Variants in ZFYVE1 observed in about 807,000 individuals in gnomAD.
The protein encoded by ZFYVE1 is zinc finger FYVE-type containing 1.
A neutral mutation model predicts 74.4 loss-of-function variants in ZFYVE1; 30 were observed. That is an observed-to-expected ratio of 0.40 (90% CI 0.30 to 0.55). The LOEUF (loss-of-function observed/expected upper bound fraction) is 0.55. Ranked by LOEUF, ZFYVE1 falls within the 20% of genes least tolerant of loss-of-function variation. The pLI is 0.42. For synonymous variants in ZFYVE1, 335 were observed against 385.1 expected, an observed-to-expected ratio of 0.87 and a Z score of 1.52; for missense variants, 703 against 1,011.6, an observed-to-expected ratio of 0.69 and a Z score of 4.14.
At chr14:73,009,974 G>A (rs997106482) in intron 2 of ZFYVE1, among the ~76,000 whole-genome samples, 3 of 152,006 alleles carry the variant, frequency 2.0e-5, no homozygotes, top group African/African-American at 7.2e-5. Flanking sequence ...GGGCATGGTG[G>A]TACATGCCTG....
At position 72,975,879 on chromosome 14, in the gene ZFYVE1, T is replaced by G; in HGVS notation, c.1636-158A>C. ...AGACACACCAGGAATCCCTCTGGCT[T>G]TATTCTCTTCAAAGTGACCATAAGA... is the stretch of plus-strand genomic sequence containing the variant. On this transcript the variant is annotated intron_variant, in intron 8 of 11. Coordinates refer to ENST00000556143, the MANE Select transcript of ZFYVE1 (RefSeq NM_021260.4). The surrounding 1 kb of genome is among the most constrained non-coding windows in gnomAD (Gnocchi z 4.1). 1.3e-6 allele frequency: 1 copy of G among 785,000 alleles called. No individual in the cohort carries two copies. Among genetic ancestry groups the G allele is most frequent in the Non-Finnish European group, 2.0e-6 (1 of 500,358 alleles). The allele number at this position is 785,000 out of a possible 1,614,324, so 48.6% of individuals were successfully genotyped here.
intron 4 of ZFYVE1, among the ~76,000 whole-genome samples, chr14:72,989,796 T>G (rs1893565355): frequency 6.7e-6 from 1 of 149,986 alleles, no homozygotes; most frequent in Admixed American, 6.7e-5. Context: ...AGACCCTGTC[T>G]CAAAAGAAAA....
Position 73,024,283 on chromosome 14 carries a change from C to A in ZFYVE1, c.226G>T (p.Gly76Cys), listed in dbSNP as rs754461477. Residue 76 changes from glycine (G) to cysteine (C), a missense_variant, in exon 2 of 12, where the codon GGT (glycine) becomes TGT (cysteine). Physicochemically the swap from Gly to Cys is radical, Grantham distance 159 (BLOSUM62 -3). This residue lies in a region of ZFYVE1 where 211 missense variants were observed against 221.7 expected (regional missense o/e 0.95). Transcript: ENST00000556143. The stretch of plus-strand genomic sequence containing the variant: ...ACACCTGGTAAATGCCCACTGAGAC[C>A]CTTGCAGAGGTCACAGTAAGGGACA... ...GHVPYCDLCK[G>C]LSGHLPGVRQ... is the part of the protein sequence containing the mutation. The A allele has an allele frequency of 9.9e-6, 16 of 1,614,156 alleles. No individual in the cohort carries two copies. The highest frequency in any genetic ancestry group is 1.4e-5 in the Non-Finnish European group (16 of 1,180,038).
chr14:73,021,614 G>A (rs767841600), intron 2 of ZFYVE1, among the ~76,000 whole-genome samples: 11 of 152,140 alleles, frequency 7.2e-5, no homozygotes, highest in Non-Finnish European at 1.5e-4. Context: ...ATGACTCTAT[G>A]AGAACAAATC....
chr14:72,992,291 T>C (rs1308087678), intron 4 of ZFYVE1, among the ~76,000 whole-genome samples: 4 of 152,164 alleles, frequency 2.6e-5, no homozygotes, highest in African/African-American at 7.2e-5. Flanking sequence ...TAAGGAATAA[T>C]AGGCGATTTT....
chr14:73,015,787 A>T (rs1466406577), intron 2 of ZFYVE1, among the ~76,000 whole-genome samples: 1 of 152,194 alleles, frequency 6.6e-6, no homozygotes, highest in African/African-American at 2.4e-5. Flanking sequence ...TGAGGCCGCC[A>T]AGCCACACGA....
chr14:73,009,727 G>T (rs975842253), intron 2 of ZFYVE1, among the ~76,000 whole-genome samples: 23 of 152,240 alleles, frequency 1.5e-4, no homozygotes. Context: ...CTGCACTCCT[G>T]CCTGGGCAAC....
Position 72,993,340 on chromosome 14 carries a change from G to C in ZFYVE1, c.1006C>G (p.Pro336Ala). Residue 336 changes from proline to alanine, a missense_variant, in exon 4 of 12, where the codon CCA becomes GCA. Physicochemically the swap from Pro to Ala is conservative, Grantham distance 27. Coordinates refer to ENST00000556143, the MANE Select transcript of ZFYVE1 (RefSeq NM_021260.4). ...AACCGGTCCTGGATGAGCTTCTCTG[G>C]CACCTCTGAGGGATGATCTATACAA... Reference protein sequence around the residue: ...LLGSDHPSEVPEKLIQDRFRK... With the variant: ...LLGSDHPSEVAEKLIQDRFRK... 1 of 1,612,824 alleles carries C rather than the reference G, an allele frequency of 6.2e-7. No individual in the cohort carries two copies. Among genetic ancestry groups the C allele is most frequent in the Non-Finnish European group, 8.5e-7 (1 of 1,179,774 alleles).
In ZFYVE1 at chr14:72,997,824, C is replaced by G. The variant is rs1233240723; in HGVS notation, c.975G>C (p.Gln325His). 4.4e-6 allele frequency: 7 copies of G among 1,590,786 alleles called. No homozygotes were observed. In the African/African-American group the frequency reaches 8.1e-5, roughly 18 times the overall value. The part of the protein sequence containing the change: ...VIIFHETVHT[Q>H]LLGSDHPSEV... ...CCCATCTCTCACCAGAGCCCAGTAGCTGGGTGTGCACGGTCTCATGGAAGA... is the reference window on the plus strand; with the variant it reads ...CCCATCTCTCACCAGAGCCCAGTAGGTGGGTGTGCACGGTCTCATGGAAGA... The change falls in exon 3 of 12, where the codon CAG (glutamine) becomes CAC (histidine). Residue 325 changes from glutamine (Q) to histidine (H), a missense_variant. Physicochemically the swap from Gln to His is conservative, Grantham distance 24. Coordinates refer to ENST00000556143, the MANE Select transcript of ZFYVE1 (RefSeq NM_021260.4).
intron 4 of ZFYVE1, among the ~76,000 whole-genome samples, chr14:72,984,584 A>G (rs1401272575): frequency 6.6e-6 from 1 of 152,102 alleles, no homozygotes; most frequent in Non-Finnish European, 1.5e-5. Flanking sequence ...GAATGAATAT[A>G]TAGAAATGCT....
At chr14:73,004,550 G>T (rs1035270815) in intron 2 of ZFYVE1, among the ~76,000 whole-genome samples, 2 of 152,096 alleles carry the variant, frequency 1.3e-5, no homozygotes, top group Non-Finnish European at 2.9e-5. Flanking sequence ...GTATTCGGGG[G>T]TATGTCCAAT....
In ZFYVE1 at chr14:72,975,859, C is replaced by T; in HGVS notation, c.1636-138G>A. The T allele has an allele frequency of 1.1e-6, 1 of 917,500 alleles. No individual in the cohort carries two copies. The highest frequency in any genetic ancestry group is 1.6e-6 in the Non-Finnish European group (1 of 609,910). 56.8% of individuals were successfully genotyped at this position (917,500 alleles called of 1,614,324 possible). A position where few individuals can be genotyped will look rare whatever the true frequency, so the allele number is the denominator to read the frequency against. On this transcript the variant is annotated intron_variant, in intron 8 of 11. Coordinates refer to ENST00000556143, the MANE Select transcript of ZFYVE1 (RefSeq NM_021260.4). This position sits in a 1 kb window ranked among gnomAD's most constrained non-coding sequence, Gnocchi z 4.1. ...TCCCTGGCAGGGAAGAACGGAGACACACCAGGAATCCCTCTGGCTTTATTC... is the reference window on the plus strand; with the variant it reads ...TCCCTGGCAGGGAAGAACGGAGACATACCAGGAATCCCTCTGGCTTTATTC...
At chr14:73,023,304 T>A (rs373826251) in intron 2 of ZFYVE1, among the ~76,000 whole-genome samples, 3 of 85,194 alleles carry the variant, frequency 3.5e-5, no homozygotes, top group Admixed American at 1.2e-4. Context: ...TAATATATAT[T>A]ATATATGTTT....
chr14:73,004,843 C>CA (rs914224659), intron 2 of ZFYVE1, among the ~76,000 whole-genome samples: 1 of 151,944 alleles, frequency 6.6e-6, no homozygotes, highest in African/African-American at 2.4e-5. Context: ...ACTAAAAATA[C>CA]AAAAAATTGG....
At chr14:72,979,131 C>T in intron 5 of ZFYVE1, 162 bp from the exon 6 acceptor site, 1 of 628,970 alleles carries the variant, frequency 1.6e-6, no homozygotes, top group Non-Finnish European at 2.9e-6. Flanking sequence ...AACCCACATG[C>T]CTCTTTGTTA....
At position 72,977,967 on chromosome 14, in the gene ZFYVE1, T is replaced by C; in HGVS notation, c.1595A>G (p.Asp532Gly). ...CACAATCTCTGTCCGCACCACCGTA[T>C]CCACAGGATCTTGGTTTCCAAACCA... is the stretch of plus-strand genomic sequence containing the variant. ...QYWFGNQDPV[D>G]TVVRTEIVHV... The change falls in exon 8 of 12, where the codon GAT becomes GGT. Residue 532 changes from aspartate to glycine, a missense_variant. Physicochemically the swap from Asp to Gly is moderately conservative, Grantham distance 94 (BLOSUM62 -1). This residue lies in a region of ZFYVE1 where 492 missense variants were observed against 790.0 expected (regional missense o/e 0.62). Coordinates refer to ENST00000556143, the MANE Select transcript of ZFYVE1 (RefSeq NM_021260.4). 1.2e-6 allele frequency: 2 copies of C among 1,614,196 alleles called. No homozygotes were observed. Among genetic ancestry groups the C allele is most frequent in the Non-Finnish European group, 1.7e-6 (2 of 1,180,040 alleles).
chr14:72,991,183 A>ATTTTTTTTTTTTT (rs57153409), intron 4 of ZFYVE1, among the ~76,000 whole-genome samples: 1 of 83,568 alleles, frequency 1.2e-5, no homozygotes, highest in African/African-American at 4.5e-5. Flanking sequence ...CCCTGATGGT[A>ATTTTTTTTTTTTT]TTTTTTTTTT....
At chr14:72,986,612 G>A (rs1893488695) in intron 4 of ZFYVE1, among the ~76,000 whole-genome samples, 1 of 149,962 alleles carries the variant, frequency 6.7e-6, no homozygotes, top group Non-Finnish European at 1.5e-5. Context: ...CCCAGGCTGG[G>A]TGCAGTGGCG....
chr14:73,017,837 CTCTATCAGGTCACTATAGCT>C (rs984787449), intron 2 of ZFYVE1, among the ~76,000 whole-genome samples: 2 of 152,200 alleles, frequency 1.3e-5, no homozygotes, highest in Non-Finnish European at 2.9e-5. Flanking sequence ...ATACATCAGT[CTCTATCAGGTCACTATAGCT>C]TCTATCAGGT....
Sources: allele counts gnomAD v4.1 joint callset (sites outside exome capture counted in the v4.1 genomes callset), GRCh38; gene constraint gnomAD v4.1.1; regional missense constraint gnomAD v4.1.1; non-coding constraint Gnocchi (gnomAD v3.1); transcripts MANE v1.5; gene names NCBI Gene and HGNC (gene_info 2026-07-23, HGNC 2026-07-21).